The following SNRPB2 variants were observed in gnomAD, a reference collection of about 807,000 sequenced individuals.
The protein encoded by SNRPB2 is small nuclear ribonucleoprotein polypeptide B2.
SNRPB2 carries 16 observed loss-of-function variants against 26.3 expected under a neutral mutation model. The observed-to-expected ratio is 0.61, with a 90% CI of 0.41 to 0.92. SNRPB2 has a LOEUF of 0.92. Among genes scored for constraint, SNRPB2 ranks in the 40% least tolerant of loss-of-function variants. The probability of loss-of-function intolerance (pLI) is 0.00; values close to 1 mark genes in which losing one functional copy is unlikely to be tolerated. For synonymous variants in SNRPB2, 75 were observed against 89.0 expected, an observed-to-expected ratio of 0.84 and a Z score of 0.88; for missense variants, 179 against 268.1, an observed-to-expected ratio of 0.67 and a Z score of 2.32.
chr20:16,737,880 CA>C (rs1405489984), intron 4 of SNRPB2, among the ~76,000 whole-genome samples: 1 of 150,768 alleles, frequency 6.6e-6, no homozygotes, highest in African/African-American at 2.4e-5. Context: ...ACTAAAAATA[CA>C]AAAAAAATTT....
Position 16,737,273 on chromosome 20 carries a change from G to C in SNRPB2, c.250G>C (p.Ala84Pro). ...ATAATTAAAACAGCGAATACAGTATGCAAAAACAGATTCGGATATAATATC... is the reference window on the plus strand; with the variant it reads ...ATAATTAAAACAGCGAATACAGTATCCAAAAACAGATTCGGATATAATATC... ...FYGKPMRIQYAKTDSDIISKM... is the reference protein window; with the variant it reads ...FYGKPMRIQYPKTDSDIISKM... Residue 84 changes from alanine to proline, a missense_variant, in exon 4 of 7, where the codon GCA becomes CCA. Ala to Pro is a conservative substitution (Grantham distance 27). Coordinates refer to ENST00000246071, the MANE Select transcript of SNRPB2 (RefSeq NM_003092.5). 6 of 1,592,462 alleles carry C rather than the reference G, an allele frequency of 3.8e-6. No individual in the cohort carries two copies. Among genetic ancestry groups the C allele is most frequent in the Non-Finnish European group, 5.1e-6 (6 of 1,173,656 alleles).
At chr20:16,740,140 A>T (rs1432760951) in intron 5 of SNRPB2, among the ~76,000 whole-genome samples, 185 bp from the exon 6 acceptor site, 1 of 152,094 alleles carries the variant, frequency 6.6e-6, no homozygotes, top group Non-Finnish European at 1.5e-5. Flanking sequence ...AGAGATTTGT[A>T]ATTTTCCAGA....
chr20:16,735,098 T>G (rs1391521446), intron 3 of SNRPB2, among the ~76,000 whole-genome samples: 1 of 152,120 alleles, frequency 6.6e-6, no homozygotes, highest in Non-Finnish European at 1.5e-5. Context: ...AGGTGTGGGT[T>G]TAGGCCTACT....
intron 4 of SNRPB2, 64 bp from the exon 5 acceptor site, chr20:16,738,788 A>G: frequency 4.6e-6 from 4 of 865,170 alleles, no homozygotes; most frequent in Non-Finnish European, 7.9e-6. Context: ...AATTATAAAT[A>G]TAAATACCTG....
chr20:16,738,286 C>CA (rs2072441061), intron 4 of SNRPB2, among the ~76,000 whole-genome samples: 1 of 150,950 alleles, frequency 6.6e-6, no homozygotes, highest in Non-Finnish European at 1.5e-5. Context: ...ACTAAAAATA[C>CA]AAAAAATTAC....
At chr20:16,732,388 G>A in intron 3 of SNRPB2, 52 bp downstream of exon 3, 1 of 948,462 alleles carries the variant, frequency 1.1e-6, no homozygotes, top group Non-Finnish European at 1.6e-6. Context: ...GATATTGATG[G>A]GACAGTAGAT....
chr20:16,732,822 AATGGTT>A (rs2072401409), intron 3 of SNRPB2, among the ~76,000 whole-genome samples: 2 of 152,196 alleles, frequency 1.3e-5, no homozygotes, highest in Admixed American at 6.5e-5. Flanking sequence ...ATGGAAATGA[AATGGTT>A]ATGAATGGAG....
chr20:16,734,159 C>T (rs2072410753), intron 3 of SNRPB2, among the ~76,000 whole-genome samples: 1 of 152,204 alleles, frequency 6.6e-6, no homozygotes, highest in Admixed American at 6.5e-5. Flanking sequence ...GCACCAGCCT[C>T]ACCTTGCCAA....
Position 16,732,349 on chromosome 20 carries a change from C to T in SNRPB2, c.237+13C>T, listed in dbSNP as rs376883917. 33 of 1,427,458 alleles carry T rather than the reference C, an allele frequency of 2.3e-5. No individual in the cohort carries two copies. The African/African-American group carries it at 4.7e-4, about 20-fold the overall frequency. 88.4% of individuals were successfully genotyped at this position (1,427,458 alleles called of 1,614,324 possible). On this transcript the variant is annotated intron_variant, in intron 3 of 6. Coordinates refer to ENST00000246071, the MANE Select transcript of SNRPB2 (RefSeq NM_003092.5). ...TGGTAAACCAATGGTAAGCCAATTC[C>T]ATTATTTCACTTTAATCAAGAAATT...
chr20:16,731,389 G>A (rs771450850), intron 1 of SNRPB2, among the ~76,000 whole-genome samples: 4 of 152,166 alleles, frequency 2.6e-5, no homozygotes, highest in Non-Finnish European at 4.4e-5. Flanking sequence ...AAAATGTCAC[G>A]TGTCATAAGT....
intron 1 of SNRPB2, among the ~76,000 whole-genome samples, chr20:16,731,186 T>TG (rs1354797311): frequency 6.6e-6 from 1 of 152,216 alleles, no homozygotes; most frequent in African/African-American, 2.4e-5. Context: ...GAGATAACCT[T>TG]GGAGTCCAGA....
intron 5 of SNRPB2, among the ~76,000 whole-genome samples, chr20:16,739,246 A>C (rs902185520): frequency 9.2e-5 from 14 of 152,212 alleles, no homozygotes; most frequent in Non-Finnish European, 1.8e-4. Context: ...GGTAACTGGC[A>C]GGGTCAGGGG....
intron 4 of SNRPB2, among the ~76,000 whole-genome samples, chr20:16,737,906 G>A (rs1435640369): frequency 2.0e-5 from 3 of 151,738 alleles, no homozygotes; most frequent in Non-Finnish European, 4.4e-5. Flanking sequence ...GGGCTTGGTG[G>A]TGGGTGCCTG....
At chr20:16,740,615 T>G (rs1365857653) in intron 6 of SNRPB2, among the ~76,000 whole-genome samples, 20 of 152,206 alleles carry the variant, frequency 1.3e-4, no homozygotes, top group Admixed American at 1.3e-3. Flanking sequence ...AATTCTTAAC[T>G]CTGATTGATG....
intron 5 of SNRPB2, 54 bp downstream of exon 5, chr20:16,738,956 G>A (rs572695950): frequency 6.0e-6 from 7 of 1,165,786 alleles, no homozygotes; most frequent in Admixed American, 3.5e-5. Flanking sequence ...AAAAATTACA[G>A]CAGTGGTATA....
chr20:16,738,604 T>G (rs1424282657), intron 4 of SNRPB2, among the ~76,000 whole-genome samples: 2 of 152,144 alleles, frequency 1.3e-5, no homozygotes, highest in Non-Finnish European at 2.9e-5. Context: ...ATTTTAAAGC[T>G]AAGAGGTTAA....
At position 16,737,358 on chromosome 20, in the gene SNRPB2, CTG is replaced by C. The variant is rs749810993; in HGVS notation, c.338_339del (p.Val113GlyfsTer20). On this transcript the variant is annotated frameshift_variant, in exon 4 of 7. Transcript: ENST00000246071. LOFTEE classifies it high-confidence loss of function. Reference sequence around the variant, plus strand: ...AAAAAAGAAAAGAAAAAAGCCAAAACTGTGGAACAGACTGCAACAACCACAAA... The same window carrying C: ...AAAAAAGAAAAGAAAAAAGCCAAAACTGGAACAGACTGCAACAACCACAAA... 4 of 1,604,732 alleles carry C rather than the reference CTG, an allele frequency of 2.5e-6. No homozygotes were observed. In the Admixed American group the frequency reaches 5.2e-5, roughly 21 times the overall value.
intron 6 of SNRPB2, 46 bp from the exon 7 acceptor site, chr20:16,740,800 C>T: frequency 7.0e-7 from 1 of 1,423,630 alleles, no homozygotes; most frequent in Non-Finnish European, 9.8e-7. Flanking sequence ...ACAAAGCAAA[C>T]ATTTATGTAC....
intron 4 of SNRPB2, among the ~76,000 whole-genome samples, chr20:16,738,131 A>G (rs2072440007): frequency 1.3e-5 from 2 of 152,032 alleles, no homozygotes; most frequent in Admixed American, 6.6e-5. Flanking sequence ...TATAATTTGA[A>G]ATACCAGATA....
Sources: allele counts gnomAD v4.1 joint callset (sites outside exome capture counted in the v4.1 genomes callset), GRCh38; gene constraint gnomAD v4.1.1; transcripts MANE v1.5; gene names NCBI Gene and HGNC (gene_info 2026-07-23, HGNC 2026-07-21).